Variants in ITPR2 observed in about 807,000 individuals in gnomAD.
ITPR2 encodes the protein inositol 1,4,5-trisphosphate-gated calcium channel ITPR2.
Under a neutral mutation model 317.1 loss-of-function variants are expected in ITPR2, and 207 were observed. The ratio of observed to expected loss-of-function variants is 0.65; its 90% CI spans 0.58 to 0.73. The LOEUF (loss-of-function observed/expected upper bound fraction) is 0.73, where lower values mean the gene tolerates loss of function less well. Ranked by LOEUF, ITPR2 falls within the 30% of genes least tolerant of loss-of-function variation. The probability of loss-of-function intolerance (pLI) is 0.00; values close to 1 mark genes in which losing one functional copy is unlikely to be tolerated. For missense variants in ITPR2, 2,613 were observed against 3,284.0 expected (o/e 0.80, Z 4.99); for synonymous variants, 1,156 against 1,149.1 (o/e 1.01, Z -0.12).
At chr12:26,724,810 A>AT in intron 3 of ITPR2, 68 bp from the exon 4 acceptor site, 18 of 1,110,522 alleles carry the variant, frequency 1.6e-5, no homozygotes, top group Admixed American at 4.6e-5. Context: ...TGACAAAGAA[A>AT]TTTTTTTTAG....
At chr12:26,414,906 C>G (rs1175567768) in intron 51 of ITPR2, among the ~76,000 whole-genome samples, 1 of 151,914 alleles carries the variant, frequency 6.6e-6, no homozygotes, top group East Asian at 1.9e-4. Context: ...ATATGATACA[C>G]TATGATCAAA....
intron 39 of ITPR2, among the ~76,000 whole-genome samples, chr12:26,492,446 A>G (rs1942827533): frequency 7.6e-6 from 1 of 131,526 alleles, no homozygotes; most frequent in Non-Finnish European, 1.7e-5. Flanking sequence ...TATCTTCTAG[A>G]GATGCCCCCC....
rs1565760255 is a variant in ITPR2, at chr12:26,782,066, A to AGC, written c.163+8090_163+8091insGC. 7.6e-4 allele frequency among the ~76,000 whole-genome samples: 104 copies of AGC among 136,536 alleles called. 3 individuals carry two copies. Among genetic ancestry groups the AGC allele is most frequent in the African/African-American group, 2.9e-3 (100 of 34,136 alleles). The allele number at this position is 136,536 out of a possible 152,430, so 89.6% of individuals were successfully genotyped here. ...GAGAGAGAGAGAGAGAGAGAGAGAG[A>AGC]GAGAGAGCGAGAGAGATCCTATTAG... On this transcript the variant is annotated intron_variant, in intron 2 of 56. Transcript: ENST00000381340.
intron 21 of ITPR2, chr12:26,648,848 T>C (rs1245716539): frequency 6.6e-6 from 1 of 152,182 alleles, no homozygotes; most frequent in Non-Finnish European, 1.5e-5. Flanking sequence ...CCTATCTCCA[T>C]ATTTGGAGAT....
chr12:26,437,810 T>C (rs1941391088), intron 47 of ITPR2, among the ~76,000 whole-genome samples: 1 of 152,162 alleles, frequency 6.6e-6, no homozygotes. Flanking sequence ...TTTTGTTTGT[T>C]TGTTTTATTG....
At chr12:26,448,508 G>A in intron 45 of ITPR2, among the ~76,000 whole-genome samples, 1 of 152,070 alleles carries the variant, frequency 6.6e-6, no homozygotes. Flanking sequence ...TTAGCAACAA[G>A]GAACACTTAT....
chr12:26,483,081 CT>C (rs1405351782), intron 42 of ITPR2, among the ~76,000 whole-genome samples: 10 of 152,138 alleles, frequency 6.6e-5, no homozygotes, highest in Non-Finnish European at 1.2e-4. Flanking sequence ...ACAATATATC[CT>C]TGATATCCCA....
chr12:26,364,398 A>G (rs919052806), intron 55 of ITPR2, among the ~76,000 whole-genome samples: 1 of 152,330 alleles, frequency 6.6e-6, no homozygotes, highest in South Asian at 2.1e-4. Flanking sequence ...TAAGTGCTTT[A>G]TACATAGTAT....
At chr12:26,574,993 G>C (rs1945243666) in intron 34 of ITPR2, among the ~76,000 whole-genome samples, 1 of 151,732 alleles carries the variant, frequency 6.6e-6, no homozygotes. Context: ...ATCTGGAGGG[G>C]ACAGACGTCT....
rs1389820072 is a variant in ITPR2, at chr12:26,684,721, G to A, written c.1148+1760C>T. 3.9e-5 allele frequency among the ~76,000 whole-genome samples: 6 copies of A among 152,126 alleles called. No homozygotes were observed. The South Asian group carries it at 1.2e-3, about 32-fold the overall frequency. On this transcript the variant is annotated intron_variant, in intron 11 of 56. Transcript: ENST00000381340. ...AAAGTGAGGCTCAGTGGCCCTCATC[G>A]TGGTTCTATACACTTTCTAGTAAGA...
intron 49 of ITPR2, chr12:26,419,701 TTTA>T (rs1312316311): frequency 6.6e-6 from 1 of 152,132 alleles, no homozygotes; most frequent in African/African-American, 2.4e-5. Flanking sequence ...AAATATTACT[TTTA>T]TTATATTTTT....
At chr12:26,725,826 C>A in intron 2 of ITPR2, 61 bp from the exon 3 acceptor site, 1 of 1,107,568 alleles carries the variant, frequency 9.0e-7, no homozygotes, top group Non-Finnish European at 1.4e-6. Context: ...CTTAGATTTC[C>A]CTTATAGCTC....
At chr12:26,516,260 A>AGGAAAGGAAGGGAAG (rs1943495867) in intron 37 of ITPR2, among the ~76,000 whole-genome samples, 3 of 54,294 alleles carry the variant, frequency 5.5e-5, no homozygotes, top group Non-Finnish European at 7.4e-5. Flanking sequence ...AGGAAAGGAA[A>AGGAAAGGAAGGGAAG]GGAAAGGAAA....
At chr12:26,532,966 G>A (rs184969911) in intron 37 of ITPR2, among the ~76,000 whole-genome samples, 6 of 152,072 alleles carry the variant, frequency 3.9e-5, no homozygotes, top group South Asian at 2.1e-4. Flanking sequence ...GATTACAGGC[G>A]TGAGCCACCG....
At chr12:26,574,638 C>T (rs760320976) in intron 34 of ITPR2, among the ~76,000 whole-genome samples, 37 of 152,116 alleles carry the variant, frequency 2.4e-4, no homozygotes, top group Non-Finnish European at 4.7e-4. Flanking sequence ...AAATACCTGG[C>T]GCTGGATAAT....
chr12:26,771,126 C>G (rs1949833576), intron 2 of ITPR2, among the ~76,000 whole-genome samples: 4 of 152,102 alleles, frequency 2.6e-5, no homozygotes, highest in African/African-American at 7.2e-5. Context: ...TTGCATAGAC[C>G]ATTTTTCCTA....
chr12:26,440,730 G>C (rs1016723807), intron 46 of ITPR2, among the ~76,000 whole-genome samples: 1 of 151,892 alleles, frequency 6.6e-6, no homozygotes, highest in Non-Finnish European at 1.5e-5. Context: ...GGGAAAAAAG[G>C]TTTACTTGAT....
At chr12:26,731,859 G>A (rs1375511249) in intron 2 of ITPR2, among the ~76,000 whole-genome samples, 2 of 152,118 alleles carry the variant, frequency 1.3e-5, no homozygotes, top group African/African-American at 2.4e-5. Context: ...GCAGGGAGAG[G>A]AATGCATTCA....
At chr12:26,557,247 C>A (rs941433148) in intron 35 of ITPR2, among the ~76,000 whole-genome samples, 4 of 152,158 alleles carry the variant, frequency 2.6e-5, no homozygotes, top group Non-Finnish European at 5.9e-5. Context: ...CCCTATTGGT[C>A]ACCTACCCAA....
Sources: gnomAD v4.1 joint callset for allele counts (sites outside exome capture counted in the v4.1 genomes callset) on GRCh38, gnomAD v4.1.1 for gene constraint, MANE v1.5 for transcripts, NCBI Gene and HGNC (gene_info 2026-07-23, HGNC 2026-07-21) for gene names.